PBRM1: variants seen among roughly 807,000 people sequenced by gnomAD.
PBRM1 encodes the protein polybromo 1.
PBRM1 carries 27 observed loss-of-function variants against 194.5 expected under a neutral mutation model. The ratio of observed to expected loss-of-function variants is 0.14; its 90% CI spans 0.10 to 0.19. The LOEUF is 0.19. PBRM1 is among the 10% of genes least tolerant of loss of function. The pLI is 1.00. For missense variants in PBRM1, 1,466 were observed against 2,077.2 expected (o/e 0.71, Z 5.72); for synonymous variants, 655 against 693.2 (o/e 0.94, Z 0.87).
At chr3:52,578,602 C>T (rs2090302475) in intron 21 of PBRM1, among the ~76,000 whole-genome samples, 1 of 152,180 alleles carries the variant, frequency 6.6e-6, no homozygotes, top group Admixed American at 6.5e-5. Context: ...TGAGGCCCTA[C>T]TATGTTTCAT....
chr3:52,610,420 C>T (rs1013327136), intron 15 of PBRM1, among the ~76,000 whole-genome samples: 4 of 152,184 alleles, frequency 2.6e-5, no homozygotes, highest in African/African-American at 4.8e-5. Flanking sequence ...GCTCTGTCCA[C>T]TGAAAATCGT....
In PBRM1 at chr3:52,587,520, G is replaced by A. The variant is rs755477291; in HGVS notation, c.2966-10C>T. The A allele has an allele frequency of 1.9e-6, 3 of 1,573,142 alleles. No homozygotes were observed. ...TACAACCATTTTTCACCTCAAAAAT[G>A]GGGGGTGGGGGAAGGGGAAGAGAAA... On this transcript the variant is annotated splice_polypyrimidine_tract_variant and intron_variant, in intron 18 of 29. Coordinates refer to ENST00000296302, the Ensembl canonical transcript of PBRM1.
intron 13 of PBRM1, 139 bp from the exon 16 acceptor site, chr3:52,617,677 C>T (rs1415633785): frequency 1.4e-5 from 9 of 628,816 alleles, no homozygotes; most frequent in Non-Finnish European, 2.1e-5. Context: ...GCCACAAACA[C>T]AGTAACCATG....
intron 10 of PBRM1, among the ~76,000 whole-genome samples, chr3:52,636,440 C>G (rs1432143675): frequency 6.6e-6 from 1 of 151,804 alleles, no homozygotes; most frequent in African/African-American, 2.4e-5. Context: ...GCTATGTACT[C>G]TCAGGTAAGA....
intron 4 of PBRM1, among the ~76,000 whole-genome samples, chr3:52,658,890 T>A (rs1386297403): frequency 6.6e-6 from 1 of 152,226 alleles, no homozygotes; most frequent in Non-Finnish European, 1.5e-5. Flanking sequence ...AATATTGCAA[T>A]GGCAAAGTTT....
chr3:52,652,143 G>A (rs1190601452), intron 5 of PBRM1, among the ~76,000 whole-genome samples: 1 of 152,198 alleles, frequency 6.6e-6, no homozygotes, highest in Middle Eastern at 3.2e-3. Context: ...CAGCACTTTG[G>A]GAGGCCGAGG....
chr3:52,550,769 C>G, exon 28 of PBRM1: 1 of 1,612,538 alleles, frequency 6.2e-7, no homozygotes, highest in Non-Finnish European at 8.5e-7. Context: ...TGGACTTCCA[C>G]CTGGTGCTGG....
At chr3:52,681,719 G>A (rs1291928481), upstream of PBRM1, 4 of 1,015,694 alleles carry the variant, frequency 3.9e-6, no homozygotes, top group Non-Finnish European at 3.5e-6. Context: ...CACAACCAGC[G>A]CCTCGAAAAG....
At chr3:52,564,323 C>T (rs2084446913) in intron 22 of PBRM1, 90 bp from the exon 25 acceptor site, 6 of 914,558 alleles carry the variant, frequency 6.6e-6, no homozygotes, top group Non-Finnish European at 1.0e-5. Flanking sequence ...TGGATGAATA[C>T]ATTCATATAA....
exon 12 of PBRM1, chr3:52,628,934 G>A (rs1048538214): frequency 1.2e-6 from 2 of 1,613,558 alleles, no homozygotes; most frequent in Non-Finnish European, 1.7e-6. Flanking sequence ...CTTGTAGATG[G>A]CTGAATTGGG....
chr3:52,586,708 T>C lies in PBRM1; in HGVS notation c.3124-20A>G, dbSNP rs1313348705. The C allele has an allele frequency of 1.1e-6, 1 of 897,386 alleles. No individual in the cohort carries two copies. The highest frequency in any genetic ancestry group is 1.4e-6 in the Non-Finnish European group (1 of 690,364). 55.6% of individuals were successfully genotyped at this position (897,386 alleles called of 1,614,324 possible). ...GTATTCCTGGGGGGTGGGGAGGGCATAAGAATAAAACTAGTTAGGTGAATT... is the reference window on the plus strand; with the variant it reads ...GTATTCCTGGGGGGTGGGGAGGGCACAAGAATAAAACTAGTTAGGTGAATT... On this transcript the variant is annotated intron_variant, in intron 19 of 29. Transcript: ENST00000296302.
intron 2 of PBRM1, among the ~76,000 whole-genome samples, chr3:52,674,553 G>C (rs2097043784): frequency 1.4e-5 from 2 of 146,706 alleles, no homozygotes; most frequent in African/African-American, 5.0e-5. Flanking sequence ...ACTTCGGGAG[G>C]CCAAGGTAGG....
At chr3:52,624,368 T>C (rs1235671683) in intron 13 of PBRM1, among the ~76,000 whole-genome samples, 1 of 152,236 alleles carries the variant, frequency 6.6e-6, no homozygotes, top group Non-Finnish European at 1.5e-5. Flanking sequence ...TTACATAGGT[T>C]GTTTTCAAAT....
At chr3:52,592,002 T>G (rs1209405119) in intron 17 of PBRM1, among the ~76,000 whole-genome samples, 1 of 149,696 alleles carries the variant, frequency 6.7e-6, no homozygotes, top group Non-Finnish European at 1.5e-5. Context: ...AATTTTTGTA[T>G]TTTTAGTAGA....
chr3:52,609,324 T>C lies in PBRM1; in HGVS notation c.2556A>G (p.Arg852=), dbSNP rs1410621593. 2 of 1,612,290 alleles carry C rather than the reference T, an allele frequency of 1.2e-6. No homozygotes were observed. Among genetic ancestry groups the C allele is most frequent in the East Asian group, 4.5e-5 (2 of 44,876 alleles). Residue 852 remains arginine (R), a synonymous_variant, in exon 16 of 30, where the codon AGA becomes AGG. Coordinates refer to ENST00000296302, the Ensembl canonical transcript of PBRM1. This position sits in a 1 kb window ranked among gnomAD's most constrained non-coding sequence, Gnocchi z 4.1. ...CTTTGAAAACATACCGATTCATCCT[T>C]CTTGCTCGTTCCAATACTTCAAACA...
intron 3 of PBRM1, 35 bp downstream of exon 4, chr3:52,668,463 C>T (rs1434661969): frequency 1.4e-6 from 2 of 1,473,468 alleles, no homozygotes; most frequent in Non-Finnish European, 1.8e-6. Context: ...TGGTATCTTC[C>T]AATTGGTATC....
intron 1 of PBRM1, 100 bp from the exon 3 acceptor site, chr3:52,678,697 A>C: frequency 1.5e-6 from 1 of 686,700 alleles, no homozygotes; most frequent in Non-Finnish European, 2.5e-6. Flanking sequence ...AGGCAAGTAG[A>C]GAAGAAAAAT....
downstream of PBRM1, chr3:52,546,032 C>T (rs2079635477): frequency 4.3e-6 from 1 of 233,044 alleles, no homozygotes; most frequent in African/African-American, 2.2e-5. Context: ...TTTAGGGAAG[C>T]CCCTGGCTGG....
chr3:52,604,886 G>A (rs1381151951), intron 16 of PBRM1, among the ~76,000 whole-genome samples: 1 of 151,816 alleles, frequency 6.6e-6, no homozygotes, highest in Non-Finnish European at 1.5e-5. Context: ...CCCGGGAGGT[G>A]GAGGTTGCAG....
Sources: gnomAD v4.1 joint callset for allele counts (sites outside exome capture counted in the v4.1 genomes callset) on GRCh38, gnomAD v4.1.1 for gene constraint, Gnocchi (gnomAD v3.1) non-coding constraint, MANE v1.5 for transcripts, NCBI Gene and HGNC (gene_info 2026-07-23, HGNC 2026-07-21) for gene names.